DOCK9: variants seen among roughly 807,000 people sequenced by gnomAD.
DOCK9 encodes dedicator of cytokinesis 9.
A neutral mutation model predicts 263.3 loss-of-function variants in DOCK9; 89 were observed. The observed-to-expected ratio is 0.34, with a 90% CI of 0.28 to 0.40. The LOEUF is 0.40. Among genes scored for constraint, DOCK9 ranks in the 10% least tolerant of loss-of-function variants. The pLI, the probability that DOCK9 is intolerant of heterozygous loss-of-function variation, is 1.00. For missense variants in DOCK9, 2,140 were observed against 2,603.4 expected, an observed-to-expected ratio of 0.82 and a Z score of 3.87; for synonymous variants, 976 against 973.1, an observed-to-expected ratio of 1.00 and a Z score of -0.06.
At chr13:99,050,940 G>GT (rs1161918787) in intron 1 of DOCK9, among the ~76,000 whole-genome samples, 1 of 152,226 alleles carries the variant, frequency 6.6e-6, no homozygotes, top group Non-Finnish European at 1.5e-5. Context: ...CTGCCAGGAC[G>GT]TAAGGCCAAG....
At chr13:98,865,433 CAAGA>C (rs1233100263) in intron 30 of DOCK9, among the ~76,000 whole-genome samples, 1 of 152,052 alleles carries the variant, frequency 6.6e-6, no homozygotes, top group African/African-American at 2.4e-5. Context: ...TAGACTAACA[CAAGA>C]AAGGAGGTGA....
chr13:99,055,438 A>G (rs55961102), intron 1 of DOCK9, among the ~76,000 whole-genome samples: 4,207 of 152,288 alleles, frequency 0.028, 96 homozygotes, highest in South Asian at 0.063. Flanking sequence ...TTGGCTGGGC[A>G]GCCTCCAGTG....
intron 4 of DOCK9, among the ~76,000 whole-genome samples, 166 bp downstream of exon 4, chr13:98,925,671 G>A (rs988034302): frequency 6.6e-6 from 1 of 152,118 alleles, no homozygotes; most frequent in African/African-American, 2.4e-5. Context: ...TAGCATGTTT[G>A]AGTCTTACAA....
chr13:98,915,957 T>A (rs2050823567), intron 7 of DOCK9, among the ~76,000 whole-genome samples: 1 of 152,232 alleles, frequency 6.6e-6, no homozygotes, highest in Non-Finnish European at 1.5e-5. Context: ...GTATTACATT[T>A]TTAAAAGCCA....
chr13:98,981,335 A>G (rs375235836), upstream of DOCK9, among the ~76,000 whole-genome samples: 17 of 152,274 alleles, frequency 1.1e-4, no homozygotes, highest in South Asian at 3.5e-3. Context: ...GGGATTATAG[A>G]TGTGAGCTAC....
At chr13:99,019,879 T>C (rs1885872247) in intron 1 of DOCK9, among the ~76,000 whole-genome samples, 1 of 151,962 alleles carries the variant, frequency 6.6e-6, no homozygotes, top group South Asian at 2.1e-4. Flanking sequence ...GGCGGGCAGA[T>C]CACCTGAGGT....
chr13:98,798,231 C>T (rs1219329308), intron 50 of DOCK9, among the ~76,000 whole-genome samples: 1 of 152,190 alleles, frequency 6.6e-6, no homozygotes, highest in Non-Finnish European at 1.5e-5. Flanking sequence ...AAGAACGTGA[C>T]TATGTGGTCA....
rs377642683 is a variant in DOCK9, at chr13:98,873,116, G to A, written c.2944-4739C>T. Among the ~76,000 whole-genome samples the A allele has an allele frequency of 3.4e-4, 51 of 152,106 alleles. 1 individual carries two copies. Among genetic ancestry groups the A allele is most frequent in the African/African-American group, 1.2e-3 (51 of 41,458 alleles). ...TTCCTTCTCTCTCTTCTTAACCTTGGGTCACACATGTGCTGCCCTCTGATG... is the reference window on the plus strand; with the variant it reads ...TTCCTTCTCTCTCTTCTTAACCTTGAGTCACACATGTGCTGCCCTCTGATG... On this transcript the variant is annotated intron_variant, in intron 27 of 52. Coordinates refer to ENST00000682017, the MANE Select transcript of DOCK9 (RefSeq NM_001366683.2).
intron 7 of DOCK9, among the ~76,000 whole-genome samples, chr13:98,919,835 G>A (rs970039729): frequency 6.6e-6 from 1 of 152,180 alleles, no homozygotes; most frequent in African/African-American, 2.4e-5. Flanking sequence ...ACCCACAGCA[G>A]GTGTTAGATC....
At chr13:98,845,613 T>C (rs1052585092) in intron 38 of DOCK9, among the ~76,000 whole-genome samples, 1 of 152,206 alleles carries the variant, frequency 6.6e-6, no homozygotes, top group Non-Finnish European at 1.5e-5. Flanking sequence ...AGGTGATGAA[T>C]CCAAATTTTA....
intron 52 of DOCK9, chr13:98,796,284 C>A: frequency 7.7e-7 from 1 of 1,301,550 alleles, no homozygotes; most frequent in South Asian, 1.3e-5. Context: ...TCGTTTCCTG[C>A]AATGAAAATG....
intron 1 of DOCK9, among the ~76,000 whole-genome samples, chr13:99,079,882 T>A (rs2154198): frequency 0.53 from 79,723 of 151,728 alleles, 21,170 homozygotes; most frequent in South Asian, 0.67. Flanking sequence ...TCTACTAAAA[T>A]TACAAAAATT....
intron 1 of DOCK9, among the ~76,000 whole-genome samples, chr13:99,005,231 T>C (rs764260092): frequency 1.3e-5 from 2 of 152,342 alleles, no homozygotes; most frequent in Non-Finnish European, 1.5e-5. Flanking sequence ...CCTACAAATA[T>C]AATTAACTGC....
chr13:98,909,838 T>C (rs1261161776), intron 9 of DOCK9, among the ~76,000 whole-genome samples: 1 of 152,228 alleles, frequency 6.6e-6, no homozygotes, highest in East Asian at 1.9e-4. Context: ...GCATGGCCCT[T>C]GATCCTCACT....
chr13:98,915,191 A>C, intron 8 of DOCK9, 138 bp downstream of exon 8: 1 of 743,160 alleles, frequency 1.3e-6, no homozygotes, highest in Non-Finnish European at 2.1e-6. Flanking sequence ...CTTTGCTGAC[A>C]GGATATTTGT....
At chr13:98,807,867 G>C in intron 47 of DOCK9, 60 bp from the exon 48 acceptor site, 6 of 1,395,022 alleles carry the variant, frequency 4.3e-6, no homozygotes, top group Non-Finnish European at 5.7e-6. Context: ...TTACCACCTA[G>C]GAAGCGTTCT....
intron 1 of DOCK9, among the ~76,000 whole-genome samples, chr13:98,973,140 T>G (rs1364848648): frequency 6.6e-6 from 1 of 152,248 alleles, no homozygotes; most frequent in African/African-American, 2.4e-5. Context: ...ATATTATTGA[T>G]GTAATATCAT....
intron 18 of DOCK9, among the ~76,000 whole-genome samples, chr13:98,887,894 CAGTA>C (rs1365075517): frequency 6.6e-6 from 1 of 151,990 alleles, no homozygotes; most frequent in Non-Finnish European, 1.5e-5. Context: ...CATAGGTGAA[CAGTA>C]AGTGTTTGCT....
Position 98,880,688 on chromosome 13 carries a change from A to C in DOCK9, c.2746-16T>G. The C allele has an allele frequency of 6.2e-7, 1 of 1,611,906 alleles. No homozygotes were observed. The highest frequency in any genetic ancestry group is 8.5e-7 in the Non-Finnish European group (1 of 1,178,870). The stretch of plus-strand genomic sequence containing the variant: ...TATACGCGTACTTTGAAGAAAAGAG[A>C]AAGAGACTTTAATGCACTGGCTCTC... On this transcript the variant is annotated splice_polypyrimidine_tract_variant and intron_variant, in intron 25 of 52. Transcript: ENST00000682017.
Sources: allele counts gnomAD v4.1 joint callset (sites outside exome capture counted in the v4.1 genomes callset), GRCh38; gene constraint gnomAD v4.1.1; transcripts MANE v1.5; gene names NCBI Gene and HGNC (gene_info 2026-07-23, HGNC 2026-07-21).